The following GLIS3 variants were observed in gnomAD, a reference collection of about 807,000 sequenced individuals.
GLIS3 encodes the protein GLIS family zinc finger 3.
A neutral mutation model predicts 78.6 loss-of-function variants in GLIS3; 53 were observed. The observed-to-expected ratio is 0.67, with a 90% CI of 0.54 to 0.85. The LOEUF is 0.85. GLIS3 is among the 40% of genes least tolerant of loss of function. The pLI is 0.00. For missense variants in GLIS3, 1,703 were observed against 1,231.1 expected (o/e 1.38, Z -5.74); for synonymous variants, 684 against 509.9 (o/e 1.34, Z -4.60).
chr9:4,282,319 G>T (rs1466201159), intron 2 of GLIS3, among the ~76,000 whole-genome samples: 1 of 152,248 alleles, frequency 6.6e-6, no homozygotes, highest in East Asian at 1.9e-4. Context: ...ACACTACTCT[G>T]GGCATTTCTA....
the GLIS3 span, among the ~76,000 whole-genome samples, chr9:4,433,810 T>C: frequency 6.6e-6 from 1 of 151,992 alleles, no homozygotes; most frequent in South Asian, 2.1e-4. Context: ...TATTCAAGAG[T>C]GGTTGGCGGG....
At chr9:4,399,124 C>G in the GLIS3 span, among the ~76,000 whole-genome samples, 1 of 152,138 alleles carries the variant, frequency 6.6e-6, no homozygotes, top group Non-Finnish European at 1.5e-5. Context: ...ATAGTTAACA[C>G]TAATATGTAT....
At chr9:4,318,009 G>A (rs1817466387) in intron 2 of GLIS3, among the ~76,000 whole-genome samples, 1 of 152,202 alleles carries the variant, frequency 6.6e-6, no homozygotes, top group African/African-American at 2.4e-5. Context: ...GAAAGAACAT[G>A]TGTATAATGT....
chr9:3,929,238 A>G (rs764123524), intron 6 of GLIS3, among the ~76,000 whole-genome samples: 1 of 152,234 alleles, frequency 6.6e-6, no homozygotes, highest in African/African-American at 2.4e-5. Flanking sequence ...AAGTCTGTAC[A>G]TCGGCTGATG....
intron 6 of GLIS3, among the ~76,000 whole-genome samples, chr9:3,917,375 A>C (rs949135928): frequency 6.6e-5 from 10 of 152,226 alleles, no homozygotes; most frequent in African/African-American, 2.4e-4. Flanking sequence ...AGAAAGGGTG[A>C]CATTGACAAG....
the GLIS3 span, among the ~76,000 whole-genome samples, chr9:4,408,498 G>T: frequency 6.6e-6 from 1 of 151,752 alleles, no homozygotes; most frequent in Non-Finnish European, 1.5e-5. Context: ...GGAGGCTGAG[G>T]CGGGCGGATC....
intron 2 of GLIS3, among the ~76,000 whole-genome samples, chr9:4,337,863 A>C (rs549457622): frequency 6.6e-6 from 1 of 152,248 alleles, no homozygotes; most frequent in Admixed American, 6.5e-5. Context: ...TGAGGCAACT[A>C]TTACCCCCAT....
At chr9:4,444,333 C>A in the GLIS3 span, among the ~76,000 whole-genome samples, 1 of 152,198 alleles carries the variant, frequency 6.6e-6, no homozygotes, top group Admixed American at 6.5e-5. Flanking sequence ...TCTGTCCTCC[C>A]CATCAGAGAT....
At chr9:4,248,846 T>C (rs546752063) in intron 2 of GLIS3, among the ~76,000 whole-genome samples, 3 of 152,274 alleles carry the variant, frequency 2.0e-5, no homozygotes, top group East Asian at 3.9e-4. Context: ...CCAGTGATGA[T>C]GACATTTTTT....
At chr9:4,337,967 T>A (rs1817776723) in intron 2 of GLIS3, among the ~76,000 whole-genome samples, 1 of 152,018 alleles carries the variant, frequency 6.6e-6, no homozygotes. Context: ...GACCCAGATC[T>A]GATTTCCCAG....
chr9:4,352,343 C>T (rs1817982784), upstream of GLIS3, among the ~76,000 whole-genome samples: 1 of 152,226 alleles, frequency 6.6e-6, no homozygotes, highest in African/African-American at 2.4e-5. Flanking sequence ...TTACACTGAG[C>T]CCTTTGTGTA....
chr9:4,473,582 C>T, the GLIS3 span, among the ~76,000 whole-genome samples: 1 of 151,980 alleles, frequency 6.6e-6, no homozygotes, highest in East Asian at 1.9e-4. Context: ...CAAGTGGGAG[C>T]TAAATGATGA....
chr9:4,311,788 C>T (rs1217413880), intron 2 of GLIS3, among the ~76,000 whole-genome samples: 2 of 152,222 alleles, frequency 1.3e-5, no homozygotes. Flanking sequence ...GGTCGTCTGA[C>T]AGGAGCAGGG....
At chr9:4,237,264 A>G (rs1255285644) in intron 2 of GLIS3, among the ~76,000 whole-genome samples, 1 of 152,164 alleles carries the variant, frequency 6.6e-6, no homozygotes, top group Admixed American at 6.5e-5. Flanking sequence ...TTAAAGGCAT[A>G]GCCGGTTAAG....
chr9:3,967,040 A>AAAAAAAG lies in GLIS3; in HGVS notation c.1711-29852_1711-29851insCTTTTTT, dbSNP rs1226736845. Among the ~76,000 whole-genome samples, 56 of 129,718 alleles carry AAAAAAAG rather than the reference A, an allele frequency of 4.3e-4. 4 individuals carry two copies. Among genetic ancestry groups the AAAAAAAG allele is most frequent in the South Asian group, 9.7e-4 (4 of 4,122 alleles). 85.1% of individuals were successfully genotyped at this position (129,718 alleles called of 152,430 possible). A position where few individuals can be genotyped will look rare whatever the true frequency, so the allele number is the denominator to read the frequency against. The stretch of plus-strand genomic sequence containing the variant: ...AAAAAAAAAAAAAAAAAAACAAAAA[A>AAAAAAAG]ACATTTTGAGGATTTCTCAATCAGG... On this transcript the variant is annotated intron_variant, in intron 4 of 10. Transcript: ENST00000381971.
rs189165780 is a variant in GLIS3, at chr9:4,205,665, C to T, written c.389-79724G>A. ...CAGGTCCTTGGTGAATCATTTCAGG[C>T]ACTGGATCAAACCTCACCTAAGGCC... On this transcript the variant is annotated intron_variant, in intron 2 of 10. Transcript: ENST00000381971. Among the ~76,000 whole-genome samples the T allele has an allele frequency of 1.9e-3, 291 of 152,264 alleles. 1 individual carries two copies. The highest frequency in any genetic ancestry group is 3.1e-3 in the Non-Finnish European group (209 of 68,026).
the GLIS3 span, among the ~76,000 whole-genome samples, chr9:4,400,768 T>A: frequency 6.6e-6 from 1 of 152,308 alleles, no homozygotes; most frequent in East Asian, 1.9e-4. Context: ...ATGAGGACCC[T>A]GCTCCAGGCC....
chr9:3,952,020 A>G (rs186815720), intron 4 of GLIS3, among the ~76,000 whole-genome samples: 183 of 152,206 alleles, frequency 1.2e-3, no homozygotes, highest in African/African-American at 4.1e-3. Context: ...AGAGAGGGGA[A>G]ACCAGAAACT....
At chr9:4,450,434 A>G in the GLIS3 span, among the ~76,000 whole-genome samples, 6 of 152,214 alleles carry the variant, frequency 3.9e-5, no homozygotes, top group Admixed American at 3.9e-4. Flanking sequence ...GCAGGATATT[A>G]TCCAGGAGAA....
Sources: gnomAD v4.1 joint callset for allele counts (sites outside exome capture counted in the v4.1 genomes callset) on GRCh38, gnomAD v4.1.1 for gene constraint, MANE v1.5 for transcripts, NCBI Gene and HGNC (gene_info 2026-07-23, HGNC 2026-07-21) for gene names.